The following THADA variants were observed in gnomAD, a reference collection of about 807,000 sequenced individuals.
The protein encoded by THADA is THADA armadillo repeat containing.
THADA carries 213 observed loss-of-function variants against 219.8 expected under a neutral mutation model. The observed-to-expected ratio is 0.97, with a 90% CI of 0.87 to 1.09. The LOEUF is 1.09. THADA is among the 50% of genes least tolerant of loss of function. The pLI is 0.00. For synonymous variants in THADA, 1,018 were observed against 828.9 expected (o/e 1.23, Z -3.92); for missense variants, 2,956 against 2,311.3 (o/e 1.28, Z -5.72).
At chr2:43,559,016 CT>C (rs1005319149) in intron 16 of THADA, among the ~76,000 whole-genome samples, 2 of 152,148 alleles carry the variant, frequency 1.3e-5, no homozygotes, top group Non-Finnish European at 2.9e-5. Flanking sequence ...AGGGCCAGGT[CT>C]TTCACATTTA....
chr2:43,521,468 T>G (rs1250782428), intron 22 of THADA, among the ~76,000 whole-genome samples: 1 of 151,998 alleles, frequency 6.6e-6, no homozygotes, highest in Non-Finnish European at 1.5e-5. Flanking sequence ...AGGTGGGAGA[T>G]TCACTTGAAC....
chr2:43,444,465 T>G (rs1165704753), intron 26 of THADA, among the ~76,000 whole-genome samples: 2 of 152,246 alleles, frequency 1.3e-5, no homozygotes, highest in African/African-American at 4.8e-5. Flanking sequence ...ACATCTAATC[T>G]TGGTAATGCC....
chr2:43,539,062 A>T (rs1228805212), intron 21 of THADA, among the ~76,000 whole-genome samples: 1 of 152,238 alleles, frequency 6.6e-6, no homozygotes, highest in Non-Finnish European at 1.5e-5. Flanking sequence ...TTCTTCATCC[A>T]TTGAGAGAAA....
intron 28 of THADA, among the ~76,000 whole-genome samples, chr2:43,426,626 C>T (rs1678464608): frequency 6.6e-6 from 1 of 152,210 alleles, no homozygotes; most frequent in Non-Finnish European, 1.5e-5. Context: ...AAAGATAACA[C>T]AGCCACAGCC....
intron 30 of THADA, among the ~76,000 whole-genome samples, chr2:43,324,920 C>T (rs1041032229): frequency 6.6e-6 from 1 of 152,152 alleles, no homozygotes; most frequent in Admixed American, 6.5e-5. Flanking sequence ...GTAGCAGATG[C>T]ACTGAAAAGC....
intron 22 of THADA, among the ~76,000 whole-genome samples, chr2:43,514,798 A>T (rs1331108975): frequency 1.1e-5 from 1 of 92,894 alleles, no homozygotes; most frequent in Non-Finnish European, 1.8e-5. Context: ...TAATATGTAC[A>T]ATATATATTT....
chr2:43,540,698 T>C (rs1695181949), intron 21 of THADA, among the ~76,000 whole-genome samples: 1 of 152,162 alleles, frequency 6.6e-6, no homozygotes, highest in African/African-American at 2.4e-5. Context: ...TGAACTAACT[T>C]TGTGGTCTTA....
intron 29 of THADA, among the ~76,000 whole-genome samples, chr2:43,356,686 T>C (rs919887695): frequency 1.3e-5 from 2 of 152,240 alleles, no homozygotes. Context: ...AAGAGTTCCA[T>C]TTATTAAGTA....
In THADA at chr2:43,571,615, T is replaced by G. The variant is rs555879703; in HGVS notation, c.2064+92A>C. 5 of 1,312,592 alleles carry G rather than the reference T, an allele frequency of 3.8e-6. No homozygotes were observed. In the African/African-American group the frequency reaches 5.9e-5, roughly 15 times the overall value. The allele number at this position is 1,312,592 out of a possible 1,614,324, so 81.3% of individuals were successfully genotyped here. On this transcript the variant is annotated intron_variant, in intron 13 of 37. Coordinates refer to ENST00000405975, the MANE Select transcript of THADA (RefSeq NM_022065.5). ...TGTGGTAGCCCAATTCCATGACCAT[T>G]CCCACACGCTCCCAAAATCTGGGCT... is the stretch of plus-strand genomic sequence containing the variant.
intron 29 of THADA, among the ~76,000 whole-genome samples, chr2:43,376,062 T>G (rs1394346344): frequency 6.6e-6 from 1 of 152,206 alleles, no homozygotes; most frequent in Admixed American, 6.5e-5. Context: ...TGGTTAAAGT[T>G]GTACCTGTAG....
At chr2:43,442,359 C>T (rs1469603528) in intron 26 of THADA, among the ~76,000 whole-genome samples, 2 of 152,072 alleles carry the variant, frequency 1.3e-5, no homozygotes, top group African/African-American at 4.8e-5. Flanking sequence ...TCGCTTGAAC[C>T]CAGGAGGCGG....
rs2104182739 is a variant in THADA, at chr2:43,590,723, T to A, written c.302+101A>T. On this transcript the variant is annotated intron_variant, in intron 4 of 37. Transcript: ENST00000405975. ...AACCATATGAATGAACTTTTTGTGATCTGTATCAGTTCAGTTTTATCAAAC... is the reference window on the plus strand; with the variant it reads ...AACCATATGAATGAACTTTTTGTGAACTGTATCAGTTCAGTTTTATCAAAC... The A allele has an allele frequency of 2.4e-6, 3 of 1,227,452 alleles. No homozygotes were observed. In the East Asian group the frequency reaches 7.2e-5, roughly 29 times the overall value. The allele number at this position is 1,227,452 out of a possible 1,614,324, so 76.0% of individuals were successfully genotyped here.
rs982889002 is a variant in THADA at position 43,595,924 on chromosome 2, G to C, written c.-25+7C>G. ...GGTCTGGCAGGCAGGACACCTGGGA[G>C]CCAAACCTCGTGCACGTCGGCGTCT... On this transcript the variant is annotated splice_region_variant and intron_variant, in intron 1 of 37. Transcript: ENST00000405975. The C allele has an allele frequency of 6.6e-6, 1 of 152,338 alleles. No individual in the cohort carries two copies. The highest frequency in any genetic ancestry group is 1.5e-5 in the Non-Finnish European group (1 of 68,054). The allele number at this position is 152,338 out of a possible 1,614,324, so 9.4% of individuals were successfully genotyped here. A position where few individuals can be genotyped will look rare whatever the true frequency, so the allele number is the denominator to read the frequency against.
intron 23 of THADA, among the ~76,000 whole-genome samples, chr2:43,507,815 T>C (rs1261508304): frequency 6.6e-6 from 1 of 152,182 alleles, no homozygotes; most frequent in Non-Finnish European, 1.5e-5. Context: ...TTTTTATTCT[T>C]TGGGTTCATG....
intron 7 of THADA, among the ~76,000 whole-genome samples, chr2:43,585,336 C>A (rs1700892080): frequency 7.4e-6 from 1 of 135,854 alleles, no homozygotes; most frequent in Non-Finnish European, 1.6e-5. Flanking sequence ...ATAGTGAGAC[C>A]TCATTCCTAC....
intron 36 of THADA, among the ~76,000 whole-genome samples, chr2:43,256,418 T>C (rs2104171324): frequency 1.3e-5 from 2 of 152,022 alleles, no homozygotes; most frequent in South Asian, 4.2e-4. Context: ...TTTGACATTG[T>C]ATTTATTTAT....
intron 28 of THADA, among the ~76,000 whole-genome samples, chr2:43,423,674 C>T (rs754681873): frequency 5.3e-5 from 8 of 152,056 alleles, no homozygotes; most frequent in South Asian, 4.2e-4. Context: ...CTTGGTGATC[C>T]GCCCGCCTCG....
Position 43,574,612 on chromosome 2 carries a change from T to A in THADA, c.1453A>T (p.Met485Leu), listed in dbSNP as rs1191566196. The change falls in exon 11 of 38, where the codon ATG (methionine) becomes TTG (leucine). Residue 485 changes from methionine to leucine, a missense_variant. By Grantham distance (15) the Met-to-Leu change is conservative. Coordinates refer to ENST00000405975, the MANE Select transcript of THADA (RefSeq NM_022065.5). ...KTIPSQILEV[M>L]GDQSLVPYAS... ...TAAGGTACCAATGACTGGTCTCCCA[T>A]CACCTCTAAGATTTGAGATGGAATA... The A allele has an allele frequency of 6.2e-7, 1 of 1,614,000 alleles. No homozygotes were observed. Among genetic ancestry groups the A allele is most frequent in the Non-Finnish European group, 8.5e-7 (1 of 1,179,890 alleles).
chr2:43,559,686 G>C (rs1697827390), intron 16 of THADA, among the ~76,000 whole-genome samples: 1 of 152,206 alleles, frequency 6.6e-6, no homozygotes, highest in Non-Finnish European at 1.5e-5. Flanking sequence ...AGAGCAATGT[G>C]TCAGGAAGAA....
Sources: allele counts gnomAD v4.1 joint callset (sites outside exome capture counted in the v4.1 genomes callset), GRCh38; gene constraint gnomAD v4.1.1; transcripts MANE v1.5; gene names NCBI Gene and HGNC (gene_info 2026-07-23, HGNC 2026-07-21).